The following IGFL4 variants were observed in gnomAD, a reference collection of about 807,000 sequenced individuals.
The protein encoded by IGFL4 is insulin growth factor-like family member 4.
IGFL4 carries 12 observed loss-of-function variants against 15.4 expected under a neutral mutation model. The observed-to-expected ratio is 0.78, with a 90% CI of 0.50 to 1.26. IGFL4 has a LOEUF of 1.26. Among genes scored for constraint, IGFL4 ranks in the 50% most tolerant of loss-of-function variants. The probability of loss-of-function intolerance (pLI) is 0.00; values close to 1 mark genes in which losing one functional copy is unlikely to be tolerated. For synonymous variants in IGFL4, 54 were observed against 55.9 expected (o/e 0.97, Z 0.16); for missense variants, 126 against 147.8 (o/e 0.85, Z 0.76).
At chr19:46,045,790 T>C (rs1384136637), upstream of IGFL4, among the ~76,000 whole-genome samples, 1 of 152,132 alleles carries the variant, frequency 6.6e-6, no homozygotes, top group African/African-American at 2.4e-5. Context: ...TATGACTGAT[T>C]GGGGTACCTG....
intron 1 of IGFL4, among the ~76,000 whole-genome samples, chr19:46,064,584 T>C (rs988169750): frequency 6.6e-6 from 1 of 152,168 alleles, no homozygotes; most frequent in Non-Finnish European, 1.5e-5. Flanking sequence ...ATGTTTGTCT[T>C]TCTGTGTCTG....
chr19:46,047,618 C>A (rs1248695746), intron 2 of IGFL4, among the ~76,000 whole-genome samples: 1 of 152,048 alleles, frequency 6.6e-6, no homozygotes, highest in South Asian at 2.1e-4. Flanking sequence ...GAAATATAAA[C>A]AAACATCACA....
chr19:46,040,953 T>A lies in IGFL4; in HGVS notation c.10A>T (p.Arg4Ter). The A allele has an allele frequency of 6.3e-7, 1 of 1,590,164 alleles. No homozygotes were observed. Among genetic ancestry groups the A allele is most frequent in the Admixed American group, 1.8e-5 (1 of 54,134 alleles). MVP[R>*]ISAAIFIFEL... is the part of the protein sequence containing the mutation. The stretch of plus-strand genomic sequence containing the variant: ...GCTGGGGTCTCCTTACCAGAAATTC[T>A]GGGCACCATGGGTTAGGCTTCAGAG... Residue 4 changes from arginine (R) to a stop codon, truncating the protein, a stop_gained, in exon 1 of 4, where the codon AGA becomes TGA. Coordinates refer to ENST00000377697, the MANE Select transcript of IGFL4 (RefSeq NM_001002923.3). LOFTEE classifies it high-confidence loss of function. The surrounding 1 kb of genome is among the most constrained non-coding windows in gnomAD (Gnocchi z 4.1).
rs1456563188 is a variant in IGFL4, at chr19:46,039,379, T to C, written c.*513A>G. On this transcript the variant is annotated 3_prime_UTR_variant, in exon 4 of 4. Transcript: ENST00000377697. ...AGGATTGACTTGGCGATGAGGGCTCTTTTTTGGTTCCATATGAACTTTAAA... is the reference window on the plus strand; with the variant it reads ...AGGATTGACTTGGCGATGAGGGCTCCTTTTTGGTTCCATATGAACTTTAAA... Among the ~76,000 whole-genome samples the C allele has an allele frequency of 6.9e-6, 1 of 145,612 alleles. No homozygotes were observed. Among genetic ancestry groups the C allele is most frequent in the African/African-American group, 2.5e-5 (1 of 39,274 alleles).
At chr19:46,072,335 C>G (rs775353570) in intron 1 of IGFL4, among the ~76,000 whole-genome samples, 43 of 152,152 alleles carry the variant, frequency 2.8e-4, no homozygotes, top group Non-Finnish European at 5.6e-4. Context: ...ACTGGAATCC[C>G]TTAGGTGTGG....
Position 46,047,364 on chromosome 19 carries a change from AC to A in IGFL4, c.-322-6255del, listed in dbSNP as rs572987923. Among the ~76,000 whole-genome samples the A allele has an allele frequency of 5.1e-3, 773 of 152,244 alleles. 7 individuals carry two copies. The highest frequency in any genetic ancestry group is 0.018 in the African/African-American group (733 of 41,536). On this transcript the variant is annotated intron_variant, in intron 2 of 5. Coordinates refer to the IGFL4 transcript ENST00000601672. ...GAACTAGAGAACCAAGAGCAAACCA[AC>A]CCCAAAGCTAGCAGAAAACAAGAAA...
chr19:46,073,910 G>A (rs1321457432), intron 1 of IGFL4, among the ~76,000 whole-genome samples: 1 of 152,122 alleles, frequency 6.6e-6, no homozygotes, highest in Non-Finnish European at 1.5e-5. Flanking sequence ...TGATTTTGCT[G>A]AAAAACTTGA....
chr19:46,050,455 A>G (rs1051232473), intron 2 of IGFL4, among the ~76,000 whole-genome samples: 2 of 152,178 alleles, frequency 1.3e-5, no homozygotes, highest in Non-Finnish European at 2.9e-5. Flanking sequence ...CCAGTGAAAT[A>G]GATATCATAA....
intron 1 of IGFL4, among the ~76,000 whole-genome samples, chr19:46,070,107 C>G (rs1969531307): frequency 6.6e-6 from 1 of 151,684 alleles, no homozygotes; most frequent in African/African-American, 2.4e-5. Flanking sequence ...TGTTTGCATC[C>G]CATGAAGCTC....
chr19:46,071,471 C>T (rs1041377826), intron 1 of IGFL4, among the ~76,000 whole-genome samples: 7 of 152,230 alleles, frequency 4.6e-5, no homozygotes, highest in East Asian at 3.9e-4. Context: ...CATAAACACA[C>T]GAATAAATGG....
At chr19:46,048,348 G>A (rs2146514068) in intron 2 of IGFL4, among the ~76,000 whole-genome samples, 1 of 152,220 alleles carries the variant, frequency 6.6e-6, no homozygotes, top group East Asian at 1.9e-4. Flanking sequence ...CATTCCCCTT[G>A]AAAACTGGCA....
chr19:46,040,577 CAGA>C lies in IGFL4; in HGVS notation c.20-12_20-10del, dbSNP rs1218349854. ...AAAAATGAAGATGGCAGCTGAGAAG[CAGA>C]AGGAGAGCGAGAATGATTCTGAGGT... On this transcript the variant is annotated splice_polypyrimidine_tract_variant and intron_variant, in intron 1 of 3. Transcript: ENST00000377697. The surrounding 1 kb of genome is among the most constrained non-coding windows in gnomAD (Gnocchi z 4.1). 2.5e-6 allele frequency: 4 copies of C among 1,613,922 alleles called. No homozygotes were observed. Among genetic ancestry groups the C allele is most frequent in the East Asian group, 2.2e-5 (1 of 44,886 alleles).
At chr19:46,044,879 T>C (rs1206965531), upstream of IGFL4, among the ~76,000 whole-genome samples, 3 of 135,800 alleles carry the variant, frequency 2.2e-5, no homozygotes, top group Admixed American at 2.2e-4. Context: ...ACAGCAGCCC[T>C]GTGGAATAGT....
intron 2 of IGFL4, among the ~76,000 whole-genome samples, chr19:46,050,433 A>G (rs1969334948): frequency 1.3e-5 from 2 of 152,198 alleles, no homozygotes; most frequent in African/African-American, 4.8e-5. Context: ...CAGGATATGA[A>G]TGGAAAAATC....
intron 1 of IGFL4, among the ~76,000 whole-genome samples, chr19:46,075,820 C>G (rs114359590): frequency 0.027 from 4,154 of 152,106 alleles, 163 homozygotes; most frequent in African/African-American, 0.092. Flanking sequence ...TATATTACTT[C>G]GAATTCTTCT....
At chr19:46,073,536 T>C (rs1161938502) in intron 1 of IGFL4, among the ~76,000 whole-genome samples, 1 of 152,220 alleles carries the variant, frequency 6.6e-6, no homozygotes. Context: ...CTCTGTGTGA[T>C]GGATGCGGTC....
rs117204672 is a variant in IGFL4, at chr19:46,053,667, G to C, written c.-323+6518C>G. On this transcript the variant is annotated intron_variant, in intron 2 of 5. Coordinates refer to the IGFL4 transcript ENST00000601672. The stretch of plus-strand genomic sequence containing the variant: ...TAGTAGGATTGCTGGATGATATAGT[G>C]GTTGTTTTTATAGTTTTTAAAGAAC... 1.7e-3 allele frequency among the ~76,000 whole-genome samples: 257 copies of C among 152,184 alleles called. 7 individuals are homozygous for C. In the East Asian group the frequency reaches 0.033, roughly 20 times the overall value.
intron 2 of IGFL4, among the ~76,000 whole-genome samples, chr19:46,054,573 G>T: frequency 6.6e-6 from 1 of 152,116 alleles, no homozygotes. Flanking sequence ...ACTCAAGATT[G>T]CTTTGGCTTT....
At chr19:46,053,373 C>T (rs1969365527) in intron 2 of IGFL4, among the ~76,000 whole-genome samples, 2 of 152,154 alleles carry the variant, frequency 1.3e-5, no homozygotes, top group Non-Finnish European at 2.9e-5. Context: ...CACCACCACG[C>T]CTGGCTAACT....
Sources: gnomAD v4.1 joint callset for allele counts (sites outside exome capture counted in the v4.1 genomes callset) on GRCh38, gnomAD v4.1.1 for gene constraint, Gnocchi (gnomAD v3.1) non-coding constraint, MANE v1.5 for transcripts, NCBI Gene and HGNC (gene_info 2026-07-23, HGNC 2026-07-21) for gene names.